Variants in ZNF705B observed in about 807,000 individuals in gnomAD.
ZNF705B encodes zinc finger protein 705B, also known as Putative zinc finger protein 705D-like protein LOC100132396.
In ZNF705B, 1 loss-of-function variant was observed where a neutral mutation model predicts 10.5. The observed-to-expected ratio is 0.10, with a 90% CI of 0.03 to 0.45. ZNF705B has a LOEUF of 0.45. Ranked by LOEUF, ZNF705B falls within the 20% of genes least tolerant of loss-of-function variation. ZNF705B has a pLI of 0.97. For synonymous variants in ZNF705B, 4 were observed against 25.4 expected (o/e 0.16, Z 2.53); for missense variants, 14 against 84.0 (o/e 0.17, Z 3.26).
chr8:7,932,009 G>A (rs568576766), intron 2 of ZNF705B, among the ~76,000 whole-genome samples: 1 of 120,638 alleles, frequency 8.3e-6, no homozygotes, highest in Non-Finnish European at 2.0e-5. Context: ...TTTGGGGGCT[G>A]GGCTCTCAAA....
Position 7,926,991 on chromosome 8 carries a change from T to A in ZNF705B, c.-222+594T>A, listed in dbSNP as rs1194849261. 7.2e-3 allele frequency among the ~76,000 whole-genome samples: 855 copies of A among 117,948 alleles called. 52 individuals are homozygous for A. The highest frequency in any genetic ancestry group is 0.019 in the African/African-American group (758 of 39,152). The allele number at this position is 117,948 out of a possible 152,430, so 77.4% of individuals were successfully genotyped here. ...CATTGACTTGCTCAGAGAAAATATC[T>A]ATCTCATATAAAAGTTATGTCAACT... On this transcript the variant is annotated intron_variant, in intron 1 of 6. Transcript: ENST00000400120.
At chr8:7,933,959 G>C (rs1471654246) in intron 2 of ZNF705B, among the ~76,000 whole-genome samples, 1 of 25,592 alleles carries the variant, frequency 3.9e-5, no homozygotes, top group Non-Finnish European at 6.9e-5. Context: ...TTTTTTTTTT[G>C]AGACAGTGTC....
At chr8:7,935,341 GA>G (rs1819981285) in intron 2 of ZNF705B, among the ~76,000 whole-genome samples, 2 of 147,346 alleles carry the variant, frequency 1.4e-5, no homozygotes, top group African/African-American at 4.9e-5. Flanking sequence ...TGAAAATATT[GA>G]ATAGTATTTC....
chr8:7,934,143 T>C (rs1819935995), intron 2 of ZNF705B, among the ~76,000 whole-genome samples: 1 of 132,962 alleles, frequency 7.5e-6, no homozygotes, highest in South Asian at 2.9e-4. Flanking sequence ...GGTTTCACCA[T>C]GTTGGCCAGA....
intron 2 of ZNF705B, among the ~76,000 whole-genome samples, chr8:7,941,018 C>A (rs1352321299): frequency 6.7e-6 from 1 of 149,314 alleles, no homozygotes; most frequent in South Asian, 2.2e-4. Context: ...AGAACATGAT[C>A]TCATTCCTTT....
intron 1 of ZNF705B, among the ~76,000 whole-genome samples, chr8:7,928,169 T>C (rs1307195383): frequency 4.5e-5 from 5 of 111,806 alleles, no homozygotes; most frequent in Admixed American, 1.1e-4. Flanking sequence ...ACGAGCTCCT[T>C]CAGGCCTCTT....
intron 2 of ZNF705B, among the ~76,000 whole-genome samples, chr8:7,941,397 A>T (rs2128944893): frequency 9.6e-6 from 1 of 104,672 alleles, no homozygotes; most frequent in Middle Eastern, 5.1e-3. Flanking sequence ...TGTTATCTGA[A>T]ATGGACATAG....
intron 2 of ZNF705B, among the ~76,000 whole-genome samples, chr8:7,937,043 G>T (rs1177030969): frequency 8.5e-6 from 1 of 117,558 alleles, no homozygotes; most frequent in African/African-American, 2.6e-5. Flanking sequence ...TGTCTTTTCC[G>T]GCCATTTGCT....
chr8:7,928,964 A>C (rs1359605194), intron 1 of ZNF705B, among the ~76,000 whole-genome samples: 1 of 115,236 alleles, frequency 8.7e-6, no homozygotes, highest in African/African-American at 2.6e-5. Flanking sequence ...AGGGCTAGGA[A>C]TACAAAACTA....
Position 7,929,528 on chromosome 8 carries a change from G to A in ZNF705B, c.-221-759G>A, listed in dbSNP as rs1342810976. Among the ~76,000 whole-genome samples the A allele has an allele frequency of 5.7e-5, 7 of 122,036 alleles. 1 individual carries two copies. Among genetic ancestry groups the A allele is most frequent in the Non-Finnish European group, 1.4e-4 (7 of 50,846 alleles). 80.1% of individuals were successfully genotyped at this position (122,036 alleles called of 152,430 possible). ...CATAAGCAGAAATGAAAATCCACCA[G>A]AAAATGCAAAATTATTGTGAAGACT... On this transcript the variant is annotated intron_variant, in intron 1 of 6. Coordinates refer to ENST00000400120, the MANE Select transcript of ZNF705B (RefSeq NM_001193630.1).
At chr8:7,929,698 GTTC>G (rs923190262) in intron 1 of ZNF705B, among the ~76,000 whole-genome samples, 5 of 116,620 alleles carry the variant, frequency 4.3e-5, no homozygotes, top group Non-Finnish European at 6.1e-5. Flanking sequence ...CGTTGTTGTT[GTTC>G]TTCTTCTTTT....
At chr8:7,932,430 A>T (rs1819875303) in intron 2 of ZNF705B, among the ~76,000 whole-genome samples, 1 of 121,510 alleles carries the variant, frequency 8.2e-6, no homozygotes, top group African/African-American at 2.5e-5. Flanking sequence ...TGGTACCTCT[A>T]GTCAGCCATC....
chr8:7,941,358 T>G (rs541917611), intron 2 of ZNF705B, among the ~76,000 whole-genome samples: 4 of 129,242 alleles, frequency 3.1e-5, no homozygotes, highest in African/African-American at 1.1e-4. Flanking sequence ...GGTAGTTTTA[T>G]TTAAAAAATT....
intron 2 of ZNF705B, among the ~76,000 whole-genome samples, chr8:7,936,943 G>C (rs1820032218): frequency 1.7e-5 from 2 of 120,022 alleles, no homozygotes; most frequent in Non-Finnish European, 4.0e-5. Flanking sequence ...TCATTTGTAA[G>C]AATTCAAGTA....
intron 2 of ZNF705B, among the ~76,000 whole-genome samples, chr8:7,940,694 G>C (rs1433014991): frequency 6.8e-6 from 1 of 147,884 alleles, no homozygotes; most frequent in African/African-American, 2.5e-5. Context: ...TATAGTAATT[G>C]TCATTCTGTG....
chr8:7,928,888 G>T (rs1205687936), intron 1 of ZNF705B, among the ~76,000 whole-genome samples: 1 of 107,046 alleles, frequency 9.3e-6, no homozygotes, highest in Admixed American at 1.2e-4. Flanking sequence ...ATAAGTGGGA[G>T]CTAGGGTATG....
At chr8:7,936,094 G>C (rs1585000391) in intron 2 of ZNF705B, among the ~76,000 whole-genome samples, 2 of 101,678 alleles carry the variant, frequency 2.0e-5, no homozygotes, top group African/African-American at 2.7e-5. Flanking sequence ...GGCAGGAATA[G>C]TATCTTATTC....
At chr8:7,936,706 A>G (rs1417735205) in intron 2 of ZNF705B, among the ~76,000 whole-genome samples, 1 of 118,108 alleles carries the variant, frequency 8.5e-6, no homozygotes, top group African/African-American at 2.6e-5. Context: ...AACAAGAGAG[A>G]TTGGGTCTTA....
intron 2 of ZNF705B, among the ~76,000 whole-genome samples, chr8:7,936,869 G>A (rs1399579052): frequency 8.4e-6 from 1 of 119,096 alleles, no homozygotes; most frequent in African/African-American, 2.6e-5. Flanking sequence ...CTAAAATAAA[G>A]GTTGAAGTTA....
Sources: allele counts gnomAD v4.1 joint callset (sites outside exome capture counted in the v4.1 genomes callset), GRCh38; gene constraint gnomAD v4.1.1; transcripts MANE v1.5; gene names NCBI Gene and HGNC (gene_info 2026-07-23, HGNC 2026-07-21).